TMEM178A: variants seen among roughly 807,000 people sequenced by gnomAD.
TMEM178A encodes the protein transmembrane protein 178.
Under a neutral mutation model 29.1 loss-of-function variants are expected in TMEM178A, and 12 were observed. The observed-to-expected ratio is 0.41, with a 90% confidence interval of 0.26 to 0.67. The LOEUF is 0.67. TMEM178A is among the 30% of genes least tolerant of loss of function. TMEM178A has a pLI of 0.29. For missense variants in TMEM178A, 366 were observed against 419.1 expected (o/e 0.87, Z 1.11); for synonymous variants, 210 against 187.2 (o/e 1.12, Z -0.99).
chr2:39,725,788 G>A, the TMEM178A span, among the ~76,000 whole-genome samples: 1 of 152,118 alleles, frequency 6.6e-6, no homozygotes, highest in Non-Finnish European at 1.5e-5. Context: ...CCTAACATAC[G>A]ATTGTAGACT....
At chr2:39,697,628 C>T (rs900498216) in intron 1 of TMEM178A, among the ~76,000 whole-genome samples, 7 of 152,152 alleles carry the variant, frequency 4.6e-5, no homozygotes, top group African/African-American at 1.7e-4. Flanking sequence ...TACCCTCTTG[C>T]TCTTTTCATT....
the TMEM178A span, among the ~76,000 whole-genome samples, chr2:39,725,441 A>G: frequency 6.6e-6 from 1 of 152,162 alleles, no homozygotes; most frequent in Admixed American, 6.5e-5. Context: ...ATACATTCCA[A>G]TATCACAAAG....
the TMEM178A span, among the ~76,000 whole-genome samples, chr2:39,723,899 T>C: frequency 6.6e-6 from 1 of 152,224 alleles, no homozygotes; most frequent in Non-Finnish European, 1.5e-5. Context: ...TACATCTAGA[T>C]AGGTTCACAT....
At chr2:39,731,019 G>A in the TMEM178A span, among the ~76,000 whole-genome samples, 2 of 152,152 alleles carry the variant, frequency 1.3e-5, no homozygotes, top group African/African-American at 4.8e-5. Context: ...CATGCCGTAA[G>A]GCCTTATGGT....
the TMEM178A span, among the ~76,000 whole-genome samples, chr2:39,733,747 ATTG>A: frequency 3.3e-4 from 51 of 152,276 alleles, no homozygotes; most frequent in East Asian, 7.3e-3. Context: ...TTTTTCATAA[ATTG>A]TTATTTTTAG....
At chr2:39,665,884 A>T, upstream of TMEM178A, 2 of 1,057,186 alleles carry the variant, frequency 1.9e-6, no homozygotes, top group Non-Finnish European at 2.3e-6. Context: ...TGGGGGGAAG[A>T]GGGAGGGAGC....
At chr2:39,673,101 A>C (rs1189303851) in intron 1 of TMEM178A, among the ~76,000 whole-genome samples, 3 of 152,220 alleles carry the variant, frequency 2.0e-5, no homozygotes, top group Non-Finnish European at 4.4e-5. Flanking sequence ...TTTTCAGATT[A>C]TAATCACAGA....
At chr2:39,731,609 C>T in the TMEM178A span, among the ~76,000 whole-genome samples, 1 of 152,178 alleles carries the variant, frequency 6.6e-6, no homozygotes, top group African/African-American at 2.4e-5. Context: ...GGGATATCTA[C>T]CGACATGACC....
intron 1 of TMEM178A, among the ~76,000 whole-genome samples, chr2:39,671,468 G>C (rs551664126): frequency 6.6e-6 from 1 of 152,208 alleles, no homozygotes; most frequent in East Asian, 1.9e-4. Context: ...GATTGTTCTC[G>C]GACCTTCTCT....
At chr2:39,726,228 G>A in the TMEM178A span, among the ~76,000 whole-genome samples, 1 of 152,190 alleles carries the variant, frequency 6.6e-6, no homozygotes, top group African/African-American at 2.4e-5. Context: ...GGAGAATAGA[G>A]TGCTAAAGGT....
chr2:39,721,429 C>T (rs1349230659), downstream of TMEM178A, among the ~76,000 whole-genome samples: 3 of 152,122 alleles, frequency 2.0e-5, no homozygotes, highest in Non-Finnish European at 4.4e-5. Context: ...CAATTTTTTT[C>T]TCCCCTTCAG....
chr2:39,686,087 G>A (rs969775099), intron 1 of TMEM178A, among the ~76,000 whole-genome samples: 1 of 152,230 alleles, frequency 6.6e-6, no homozygotes, highest in African/African-American at 2.4e-5. Flanking sequence ...CACACATGGG[G>A]GCAGCTGCTG....
At chr2:39,691,454 T>A (rs1039925200) in intron 1 of TMEM178A, among the ~76,000 whole-genome samples, 2 of 152,124 alleles carry the variant, frequency 1.3e-5, no homozygotes, top group Non-Finnish European at 2.9e-5. Context: ...CTTTTTAGAG[T>A]GCCTGTTGTT....
At chr2:39,678,582 G>A (rs1670729641) in intron 1 of TMEM178A, among the ~76,000 whole-genome samples, 1 of 152,118 alleles carries the variant, frequency 6.6e-6, no homozygotes. Context: ...ACTGCTTAAT[G>A]GGTAAGTGAT....
intron 1 of TMEM178A, among the ~76,000 whole-genome samples, chr2:39,672,883 G>A (rs1379762634): frequency 2.0e-5 from 3 of 152,130 alleles, no homozygotes; most frequent in Non-Finnish European, 4.4e-5. Flanking sequence ...GTTTTTGTTG[G>A]AGGAGCGTCT....
At chr2:39,726,131 C>A in the TMEM178A span, among the ~76,000 whole-genome samples, 2 of 152,182 alleles carry the variant, frequency 1.3e-5, no homozygotes, top group African/African-American at 4.8e-5. Flanking sequence ...TCCTTTGTGT[C>A]TGTCTCAGAG....
At chr2:39,704,556 A>G (rs909311271) in intron 2 of TMEM178A, among the ~76,000 whole-genome samples, 1 of 152,052 alleles carries the variant, frequency 6.6e-6, no homozygotes, top group African/African-American at 2.4e-5. Flanking sequence ...TTTGTTTTGT[A>G]TATACAATAT....
chr2:39,728,341 C>A, the TMEM178A span, among the ~76,000 whole-genome samples: 2 of 152,176 alleles, frequency 1.3e-5, no homozygotes, highest in Admixed American at 1.3e-4. Context: ...GTCGGTGTCT[C>A]CCTGGACAGC....
At chr2:39,680,889 T>C (rs984581253) in intron 1 of TMEM178A, among the ~76,000 whole-genome samples, 1 of 152,234 alleles carries the variant, frequency 6.6e-6, no homozygotes, top group Non-Finnish European at 1.5e-5. Flanking sequence ...AAGTTTTAGA[T>C]AGTGCTTTTT....
Sources: allele counts gnomAD v4.1 joint callset (sites outside exome capture counted in the v4.1 genomes callset), GRCh38; gene constraint gnomAD v4.1.1; transcripts MANE v1.5; gene names NCBI Gene and HGNC (gene_info 2026-07-23, HGNC 2026-07-21).